The following EEF1AKMT2 variants were observed in gnomAD, a reference collection of about 807,000 sequenced individuals.
EEF1AKMT2 encodes the protein eukaryotic translation elongation factor 1 alpha lysine methyltransferase 2.
In EEF1AKMT2, 32 loss-of-function variants were observed where a neutral mutation model predicts 35.8. That is an observed-to-expected ratio of 0.89 (90% CI 0.67 to 1.20). The LOEUF is 1.20. Ranked by LOEUF, EEF1AKMT2 falls within the 50% of genes most tolerant of loss-of-function variation. EEF1AKMT2 has a pLI of 0.00. For synonymous variants in EEF1AKMT2, 121 were observed against 133.7 expected, an observed-to-expected ratio of 0.91 and a Z score of 0.65; for missense variants, 330 against 347.5, an observed-to-expected ratio of 0.95 and a Z score of 0.40.
At chr10:124,780,992 C>G (rs1950534673) in intron 3 of EEF1AKMT2, among the ~76,000 whole-genome samples, 1 of 151,918 alleles carries the variant, frequency 6.6e-6, no homozygotes, top group Non-Finnish European at 1.5e-5. Flanking sequence ...TGCTGCCAAG[C>G]TGGAATGCAG....
At chr10:124,785,437 G>A (rs1290458012) in intron 3 of EEF1AKMT2, among the ~76,000 whole-genome samples, 2 of 152,038 alleles carry the variant, frequency 1.3e-5, no homozygotes, top group East Asian at 1.9e-4. Context: ...AGAAGATACT[G>A]TTAAGTGAAT....
At position 124,759,138 on chromosome 10, in the gene EEF1AKMT2, A is replaced by C. The variant is rs1564898163; in HGVS notation, c.*1365T>G. 1.3e-5 allele frequency: 2 copies of C among 152,228 alleles called. No homozygotes were observed. The highest frequency in any genetic ancestry group is 2.9e-5 in the Non-Finnish European group (2 of 68,032). The allele number at this position is 152,228 out of a possible 1,614,324, so 9.4% of individuals were successfully genotyped here. On this transcript the variant is annotated 3_prime_UTR_variant, in exon 7 of 7. Transcript: ENST00000368836. ...AAAATCATCAAAAAATTATGCAAAA[A>C]TTTGTATTTAGCTCCAATATTAAAA...
At chr10:124,757,501 G>C (rs1950295994), downstream of EEF1AKMT2, among the ~76,000 whole-genome samples, 1 of 152,058 alleles carries the variant, frequency 6.6e-6, no homozygotes, top group South Asian at 2.1e-4. Context: ...ATACCAATTT[G>C]AAGAAAATTA....
chr10:124,782,949 ATAACTACCAACTATATGC>A (rs891445335), intron 3 of EEF1AKMT2: 1 of 429,608 alleles, frequency 2.3e-6, no homozygotes, highest in Non-Finnish European at 4.6e-6. Context: ...ATAGATAAAA[ATAACTACCAACTATATGC>A]TGGCTACAAG....
chr10:124,790,389 T>A (rs779622304), intron 1 of EEF1AKMT2, 51 bp from the exon 2 acceptor site: 7 of 1,262,106 alleles, frequency 5.5e-6, no homozygotes, highest in African/African-American at 2.9e-5. Flanking sequence ...AACTGTATTA[T>A]GAATTAAATG....
In EEF1AKMT2 at chr10:124,765,495, C is replaced by A. The variant is rs1950371374; in HGVS notation, c.513G>T (p.Lys171Asn). The A allele has an allele frequency of 6.2e-7, 1 of 1,613,938 alleles. No individual in the cohort carries two copies. The highest frequency in any genetic ancestry group is 8.5e-7 in the Non-Finnish European group (1 of 1,179,892). Residue 171 changes from lysine (K) to asparagine (N), a missense_variant, in exon 5 of 7, where the codon AAG becomes AAT. By Grantham distance (94) the Lys-to-Asn change is moderately conservative. Transcript: ENST00000368836. The part of the protein sequence containing the change: ...LNPDNAIEKR[K>N]QYVKSLSRVL... The stretch of plus-strand genomic sequence containing the variant: ...CCCTGGAGAGAGATTTCACATATTG[C>A]TTCCTCTTCTCAATTGCATTGTCAG...
chr10:124,762,469 C>CA lies in EEF1AKMT2; in HGVS notation c.705dup (p.Gly236TrpfsTer36). The CA allele has an allele frequency of 7.7e-7, 1 of 1,297,606 alleles. No individual in the cohort carries two copies. Among genetic ancestry groups the CA allele is most frequent in the Non-Finnish European group, 1.0e-6 (1 of 983,998 alleles). 80.4% of individuals were successfully genotyped at this position (1,297,606 alleles called of 1,614,324 possible). ...GCATGATGATGTGTGCCTGTAGTTC[C>CA]ACCTACTCGGGAGGCTGAAGTGGAA... On this transcript the variant is annotated frameshift_variant, in exon 6 of 7. Transcript: ENST00000368836. LOFTEE classifies it high-confidence loss of function.
rs2134117280 is a variant in EEF1AKMT2, at chr10:124,759,781, TCTTTC to T, written c.*717_*721del. On this transcript the variant is annotated 3_prime_UTR_variant, in exon 7 of 7. Transcript: ENST00000368836. ...AGCAAATAATAACATTCCTTAGTTC[TCTTTC>T]CTTCTACTACCCTTACAGTGTGTAG... The T allele has an allele frequency of 6.6e-6, 1 of 152,376 alleles. No individual in the cohort carries two copies. Among genetic ancestry groups the T allele is most frequent in the East Asian group, 1.9e-4 (1 of 5,190 alleles). 9.4% of individuals were successfully genotyped at this position (152,376 alleles called of 1,614,324 possible).
chr10:124,791,606 C>CG (rs1950635195), intron 1 of EEF1AKMT2, 118 bp downstream of exon 1: 2 of 1,428,280 alleles, frequency 1.4e-6, no homozygotes, highest in Non-Finnish European at 1.9e-6. Flanking sequence ...GCCCTGCTCC[C>CG]GTCACGCCCC....
rs988627834 is a variant in EEF1AKMT2, at chr10:124,769,764, T to C, written c.400-4156A>G. Among the ~76,000 whole-genome samples the C allele has an allele frequency of 2.0e-5, 3 of 150,492 alleles. No homozygotes were observed. The East Asian group carries it at 5.9e-4, about 30-fold the overall frequency. On this transcript the variant is annotated intron_variant, in intron 4 of 6. Coordinates refer to ENST00000368836, the MANE Select transcript of EEF1AKMT2 (RefSeq NM_212554.4). ...GAGTTCAAGACCAGCCTGACCAACATAGTGAAACCCCATCGCTACTAAAAA... is the reference window on the plus strand; with the variant it reads ...GAGTTCAAGACCAGCCTGACCAACACAGTGAAACCCCATCGCTACTAAAAA...
At chr10:124,760,646 G>T (rs531873451) in intron 6 of EEF1AKMT2, 143 bp from the exon 7 acceptor site, 3 of 623,632 alleles carry the variant, frequency 4.8e-6, no homozygotes, top group East Asian at 2.8e-5. Context: ...TTCACTTCAT[G>T]ATTTTTCAAT....
At chr10:124,761,411 T>A (rs1045230019) in intron 6 of EEF1AKMT2, among the ~76,000 whole-genome samples, 1 of 152,164 alleles carries the variant, frequency 6.6e-6, no homozygotes, top group Non-Finnish European at 1.5e-5. Flanking sequence ...TAAAATGGTA[T>A]GTTATGTGTA....
At chr10:124,781,938 A>T (rs1242846052) in intron 3 of EEF1AKMT2, among the ~76,000 whole-genome samples, 3 of 152,190 alleles carry the variant, frequency 2.0e-5, no homozygotes, top group African/African-American at 7.2e-5. Flanking sequence ...AAAGATCAAG[A>T]ACCCAACATG....
At chr10:124,777,297 GAA>G (rs1170121850) in intron 3 of EEF1AKMT2, among the ~76,000 whole-genome samples, 2 of 145,330 alleles carry the variant, frequency 1.4e-5, no homozygotes, top group Non-Finnish European at 3.0e-5. Flanking sequence ...AAAAAAAAAA[GAA>G]AAAAAGACAG....
At chr10:124,779,376 T>C (rs2134135769) in intron 3 of EEF1AKMT2, among the ~76,000 whole-genome samples, 1 of 152,126 alleles carries the variant, frequency 6.6e-6, no homozygotes, top group Middle Eastern at 3.4e-3. Flanking sequence ...CAAACAAACC[T>C]TCCACCTTGG....
intron 3 of EEF1AKMT2, among the ~76,000 whole-genome samples, chr10:124,788,668 G>C (rs1175320744): frequency 7.4e-6 from 1 of 134,958 alleles, no homozygotes; most frequent in Non-Finnish European, 1.6e-5. Context: ...TTACCTATAA[G>C]ATAAGATACG....
intron 4 of EEF1AKMT2, among the ~76,000 whole-genome samples, chr10:124,773,538 T>C (rs1950457747): frequency 6.6e-6 from 1 of 152,136 alleles, no homozygotes; most frequent in African/African-American, 2.4e-5. Flanking sequence ...TGTCCCACTG[T>C]AAGGTTTTTA....
intron 5 of EEF1AKMT2, among the ~76,000 whole-genome samples, chr10:124,764,616 C>T (rs1394055506): frequency 3.3e-5 from 5 of 152,174 alleles, no homozygotes; most frequent in South Asian, 2.1e-4. Flanking sequence ...ATTTTAATTC[C>T]GTGCAATCTT....
At chr10:124,780,249 C>T (rs115325062) in intron 3 of EEF1AKMT2, among the ~76,000 whole-genome samples, 96 of 152,210 alleles carry the variant, frequency 6.3e-4, no homozygotes, top group African/African-American at 2.2e-3. Flanking sequence ...AGATTTGACC[C>T]GTAGACTGTG....
Sources: gnomAD v4.1 joint callset for allele counts (sites outside exome capture counted in the v4.1 genomes callset) on GRCh38, gnomAD v4.1.1 for gene constraint, MANE v1.5 for transcripts, NCBI Gene and HGNC (gene_info 2026-07-23, HGNC 2026-07-21) for gene names.